The following INHBB variants were observed in gnomAD, a reference collection of about 807,000 sequenced individuals.
INHBB encodes the protein inhibin subunit beta B.
INHBB carries 8 observed loss-of-function variants against 28.9 expected under a neutral mutation model. The observed-to-expected ratio is 0.28, with a 90% CI of 0.16 to 0.50. INHBB has a LOEUF of 0.50. Ranked by LOEUF, INHBB falls within the 20% of genes least tolerant of loss-of-function variation. The probability of loss-of-function intolerance (pLI) is 0.98; values close to 1 mark genes in which losing one functional copy is unlikely to be tolerated. For missense variants in INHBB, 499 were observed against 597.8 expected, an observed-to-expected ratio of 0.83 and a Z score of 1.72; for synonymous variants, 293 against 262.7, an observed-to-expected ratio of 1.12 and a Z score of -1.12.
In INHBB at chr2:120,346,181, G is replaced by C. The variant is rs1002875809; in HGVS notation, c.-8G>C. On this transcript the variant is annotated 5_prime_UTR_variant, in exon 1 of 2. Transcript: ENST00000295228. The stretch of plus-strand genomic sequence containing the variant: ...CGCGGCGGGCGCCCTCGTCGCCAGC[G>C]GCGCACCATGGACGGGCTGCCCGGT... The C allele has an allele frequency of 1.7e-6, 2 of 1,169,922 alleles. No individual in the cohort carries two copies. Among genetic ancestry groups the C allele is most frequent in the Admixed American group, 4.7e-5 (1 of 21,462 alleles). 72.5% of individuals were successfully genotyped at this position (1,169,922 alleles called of 1,614,324 possible).
rs747266259 is a variant in INHBB, at chr2:120,349,319, C to A, written c.669C>A (p.Arg223=). The change falls in exon 2 of 2, where the codon CGC becomes CGA. Residue 223 remains arginine (R), a synonymous_variant. Transcript: ENST00000295228. This position sits in a 1 kb window ranked among gnomAD's most constrained non-coding sequence, Gnocchi z 5.6. The stretch of plus-strand genomic sequence containing the variant: ...TGGAGAAGAGGGTGGACCTCAAGCG[C>A]AGCGGCTGGCATACCTTCCCACTCA... The part of the protein sequence containing the change: ...NMVEKRVDLK[R]SGWHTFPLTE... 40 of 1,614,002 alleles carry A rather than the reference C, an allele frequency of 2.5e-5. No individual in the cohort carries two copies. The highest frequency in any genetic ancestry group is 3.4e-5 in the Non-Finnish European group (40 of 1,180,008).
intron 1 of INHBB, among the ~76,000 whole-genome samples, chr2:120,347,493 A>T (rs1691180361): frequency 6.6e-6 from 1 of 152,122 alleles, no homozygotes; most frequent in Non-Finnish European, 1.5e-5. Context: ...AAGGAGAAAA[A>T]TGTGCCCGCG....
chr2:120,346,823 C>T (rs1439115257), intron 1 of INHBB, among the ~76,000 whole-genome samples, 187 bp downstream of exon 1: 1 of 152,220 alleles, frequency 6.6e-6, no homozygotes, highest in African/African-American at 2.4e-5. Flanking sequence ...TTCCCCCAGG[C>T]CGCAGACCCT....
At chr2:120,347,694 C>T (rs1302003315) in intron 1 of INHBB, among the ~76,000 whole-genome samples, 1 of 152,128 alleles carries the variant, frequency 6.6e-6, no homozygotes, top group Non-Finnish European at 1.5e-5. Context: ...GGTTGTGCCC[C>T]TGGCTGCAAA....
intron 1 of INHBB, among the ~76,000 whole-genome samples, chr2:120,347,312 G>C (rs541968070): frequency 6.6e-6 from 1 of 152,130 alleles, no homozygotes; most frequent in Non-Finnish European, 1.5e-5. Context: ...CGTGCCTCTC[G>C]GCTTGCCTGG....
In INHBB at chr2:120,349,692, T is replaced by G; in HGVS notation, c.1042T>G (p.Ser348Ala). ...CCTGGCAGGGGTCCCCGGCTCTGCC[T>G]CCTCCTTCCACACGGCTGTGGTGAA... Reference protein sequence around the residue: ...AYLAGVPGSASSFHTAVVNQY... With the variant: ...AYLAGVPGSAASFHTAVVNQY... Residue 348 changes from serine to alanine, a missense_variant, in exon 2 of 2, where the codon TCC becomes GCC. Ser to Ala is a moderately conservative substitution (Grantham distance 99). Around this residue, in one of 2 missense-constraint regions of INHBB, gnomAD observed 114 missense variants for 182.6 expected, o/e 0.62. Coordinates refer to ENST00000295228, the MANE Select transcript of INHBB (RefSeq NM_002193.4). This position sits in a 1 kb window ranked among gnomAD's most constrained non-coding sequence, Gnocchi z 5.6. 1.2e-6 allele frequency: 2 copies of G among 1,613,832 alleles called. No homozygotes were observed. The highest frequency in any genetic ancestry group is 1.7e-6 in the Non-Finnish European group (2 of 1,180,032).
rs750634985 is a variant in INHBB, at chr2:120,351,023, A to G, written c.*1149A>G. 2.0e-5 allele frequency: 3 copies of G among 152,782 alleles called. No homozygotes were observed. Among genetic ancestry groups the G allele is most frequent in the African/African-American group, 4.8e-5 (2 of 41,462 alleles). 9.5% of individuals were successfully genotyped at this position (152,782 alleles called of 1,614,324 possible). ...GAAGTTGCCCATGTGGGCCCCAGCC[A>G]TCAGGGCTGGCCGTGGACGTGGCCC... On this transcript the variant is annotated 3_prime_UTR_variant, in exon 2 of 2. Coordinates refer to ENST00000295228, the MANE Select transcript of INHBB (RefSeq NM_002193.4).
Position 120,349,508 on chromosome 2 carries a change from G to A in INHBB, c.858G>A (p.Arg286=). The change falls in exon 2 of 2, where the codon AGG becomes AGA. Residue 286 remains arginine (R), a synonymous_variant. Transcript: ENST00000295228. This position sits in a 1 kb window ranked among gnomAD's most constrained non-coding sequence, Gnocchi z 5.6. The stretch of plus-strand genomic sequence containing the variant: ...TGCAGGCTCGGCTGGGCGACAGCAG[G>A]CACCGCATTCGCAAGCGAGGCCTGG... ...VVVQARLGDS[R]HRIRKRGLEC... The A allele has an allele frequency of 6.2e-7, 1 of 1,613,538 alleles. No homozygotes were observed. The highest frequency in any genetic ancestry group is 8.5e-7 in the Non-Finnish European group (1 of 1,179,956).
rs554174994 is a variant in INHBB at position 120,350,064 on chromosome 2, G to T, written c.*190G>T. The T allele has an allele frequency of 3.3e-6, 2 of 607,734 alleles. No homozygotes were observed. Among genetic ancestry groups the T allele is most frequent in the Non-Finnish European group, 5.7e-6 (2 of 351,732 alleles). 37.6% of individuals were successfully genotyped at this position (607,734 alleles called of 1,614,324 possible). On this transcript the variant is annotated 3_prime_UTR_variant, in exon 2 of 2. Transcript: ENST00000295228. Reference sequence around the variant, plus strand: ...TAGAGCAACCAGTCAAAACCAGAGCGAGAACCCTCAACTGACATGAAATAC... The same window carrying T: ...TAGAGCAACCAGTCAAAACCAGAGCTAGAACCCTCAACTGACATGAAATAC...
At chr2:120,347,095 GTGTC>G (rs1319606222) in intron 1 of INHBB, among the ~76,000 whole-genome samples, 1 of 152,200 alleles carries the variant, frequency 6.6e-6, no homozygotes, top group Non-Finnish European at 1.5e-5. Flanking sequence ...ATCTGTGTGT[GTGTC>G]TGTGTGTGTG....
intron 1 of INHBB, among the ~76,000 whole-genome samples, chr2:120,347,400 C>G (rs1007393515): frequency 1.9e-4 from 28 of 148,962 alleles, no homozygotes; most frequent in Non-Finnish European, 3.8e-4. Context: ...AATCCGCCCC[C>G]CCCCCCGGCC....
chr2:120,348,957 C>T, intron 1 of INHBB, 142 bp from the exon 2 acceptor site: 1 of 989,572 alleles, frequency 1.0e-6, no homozygotes, highest in African/African-American at 1.6e-5. Context: ...GGCCCTGGCC[C>T]CAAGAATGGT....
chr2:120,349,122 C>T lies in INHBB; in HGVS notation c.472C>T (p.Arg158Cys), dbSNP rs746505306. The stretch of plus-strand genomic sequence containing the variant: ...AGATGGCCTCGCCTCCTCCCGGGTC[C>T]GCCTATACTTCTTCATCTCCAACGA... ...ETDGLASSRV[R>C]LYFFISNEGN... is the part of the protein sequence containing the mutation. The change falls in exon 2 of 2, where the codon CGC becomes TGC. Residue 158 changes from arginine (R) to cysteine (C), a missense_variant. By Grantham distance (180) the Arg-to-Cys change is radical (BLOSUM62 -3). Transcript: ENST00000295228. This position sits in a 1 kb window ranked among gnomAD's most constrained non-coding sequence, Gnocchi z 5.6. 1.4e-5 allele frequency: 22 copies of T among 1,606,298 alleles called. No homozygotes were observed. Among genetic ancestry groups the T allele is most frequent in the East Asian group, 2.2e-5 (1 of 44,658 alleles).
chr2:120,349,587 C>T lies in INHBB; in HGVS notation c.937C>T (p.Arg313Cys). The change falls in exon 2 of 2, where the codon CGC (arginine) becomes TGC (cysteine). Residue 313 changes from arginine (R) to cysteine (C), a missense_variant. Physicochemically the swap from Arg to Cys is radical, Grantham distance 180. Coordinates refer to ENST00000295228, the MANE Select transcript of INHBB (RefSeq NM_002193.4). The surrounding 1 kb of genome is among the most constrained non-coding windows in gnomAD (Gnocchi z 5.6). The part of the protein sequence containing the change: ...CCRQQFFIDF[R>C]LIGWNDWIIA... ...CAGGCAACAGTTCTTCATTGACTTCCGCCTCATCGGCTGGAACGACTGGAT... is the reference window on the plus strand; with the variant it reads ...CAGGCAACAGTTCTTCATTGACTTCTGCCTCATCGGCTGGAACGACTGGAT... 1.2e-6 allele frequency: 2 copies of T among 1,614,138 alleles called. No individual in the cohort carries two copies. The highest frequency in any genetic ancestry group is 1.7e-6 in the Non-Finnish European group (2 of 1,180,044).
At position 120,349,056 on chromosome 2, in the gene INHBB, T is replaced by A. The variant is rs760195074; in HGVS notation, c.449-43T>A. 1.7e-5 allele frequency: 26 copies of A among 1,554,726 alleles called. No individual in the cohort carries two copies. The highest frequency in any genetic ancestry group is 2.3e-5 in the Non-Finnish European group (26 of 1,148,270). ...AGTGTGTTTCCCCCATTGCCTTGTG[T>A]TCTCCTTGAATTAACTTGGCTCGCC... On this transcript the variant is annotated intron_variant, in intron 1 of 1. Transcript: ENST00000295228. The surrounding 1 kb of genome is among the most constrained non-coding windows in gnomAD (Gnocchi z 5.6).
chr2:120,347,587 C>T (rs1272825188), intron 1 of INHBB, among the ~76,000 whole-genome samples: 1 of 152,164 alleles, frequency 6.6e-6, no homozygotes, highest in Non-Finnish European at 1.5e-5. Flanking sequence ...TGGAGCTCGG[C>T]CCCATTTGTG....
At chr2:120,348,922 C>T (rs957139414) in intron 1 of INHBB, among the ~76,000 whole-genome samples, 177 bp from the exon 2 acceptor site, 3 of 152,174 alleles carry the variant, frequency 2.0e-5, no homozygotes, top group Non-Finnish European at 4.4e-5. Flanking sequence ...ACGATTTTCT[C>T]TGCCTCTCCC....
chr2:120,350,914 G>A lies in INHBB; in HGVS notation c.*1040G>A, dbSNP rs910002062. The A allele has an allele frequency of 1.3e-5, 2 of 152,708 alleles. No individual in the cohort carries two copies. The highest frequency in any genetic ancestry group is 2.9e-5 in the Non-Finnish European group (2 of 68,090). The allele number at this position is 152,708 out of a possible 1,614,324, so 9.5% of individuals were successfully genotyped here. A position where few individuals can be genotyped will look rare whatever the true frequency, so the allele number is the denominator to read the frequency against. The stretch of plus-strand genomic sequence containing the variant: ...GGCATTCTTGAACTGCTGAGGATGG[G>A]GGGTGTCCCCTCAGCGGAGGCCAAG... On this transcript the variant is annotated 3_prime_UTR_variant, in exon 2 of 2. Coordinates refer to ENST00000295228, the MANE Select transcript of INHBB (RefSeq NM_002193.4).
At chr2:120,348,656 C>CAA (rs5833831) in intron 1 of INHBB, among the ~76,000 whole-genome samples, 172 of 74,350 alleles carry the variant, frequency 2.3e-3, no homozygotes, top group African/African-American at 4.8e-3. Context: ...CTAAGTTAAC[C>CAA]AAAAAAAAAA....
Sources: gnomAD v4.1 joint callset for allele counts (sites outside exome capture counted in the v4.1 genomes callset) on GRCh38, gnomAD v4.1.1 for gene constraint, gnomAD v4.1.1 regional missense constraint, Gnocchi (gnomAD v3.1) non-coding constraint, MANE v1.5 for transcripts, NCBI Gene and HGNC (gene_info 2026-07-23, HGNC 2026-07-21) for gene names.